Variants in LMTK3 observed in about 807,000 individuals in gnomAD.
LMTK3 encodes serine/threonine-protein kinase LMTK3.
A neutral mutation model predicts 116.7 loss-of-function variants in LMTK3; 27 were observed. The observed-to-expected ratio is 0.23, with a 90% confidence interval of 0.17 to 0.32. LMTK3 has a LOEUF of 0.32. Among genes scored for constraint, LMTK3 ranks in the 10% least tolerant of loss-of-function variants. LMTK3 has a pLI of 1.00. For synonymous variants in LMTK3, 965 were observed against 971.0 expected (o/e 0.99, Z 0.11); for missense variants, 1,764 against 2,068.5 (o/e 0.85, Z 2.86).
chr19:48,498,605 G>A lies in LMTK3; in HGVS notation c.2464C>T (p.Arg822Trp). 1 of 1,546,322 alleles carries A rather than the reference G, an allele frequency of 6.5e-7. No individual in the cohort carries two copies. Among genetic ancestry groups the A allele is most frequent in the Non-Finnish European group, 8.7e-7 (1 of 1,145,402 alleles). The change falls in exon 11 of 15, where the codon CGG becomes TGG. Residue 822 changes from arginine to tryptophan, a missense_variant. By Grantham distance (101) the Arg-to-Trp change is moderately radical. This residue lies in a region of LMTK3 where 1,028 missense variants were observed against 1,050.6 expected (regional missense o/e 0.98). Coordinates refer to ENST00000600059, the MANE Select transcript of LMTK3 (RefSeq NM_001388485.1). ...GGGTCGGGTGGCTCGGGGGGAGCCCGCGGCCGAGGGACCCCTTCCTCCTCG... is the reference window on the plus strand; with the variant it reads ...GGGTCGGGTGGCTCGGGGGGAGCCCACGGCCGAGGGACCCCTTCCTCCTCG... ...AAEEEGVPRP[R>W]APPEPPDPGA...
At chr19:48,502,219 C>T (rs1056532073) in intron 7 of LMTK3, among the ~76,000 whole-genome samples, 12 of 145,664 alleles carry the variant, frequency 8.2e-5, no homozygotes, top group Admixed American at 2.0e-4. Context: ...TTCCCCTCAT[C>T]ACCTGACCCC....
upstream of LMTK3, chr19:48,511,857 G>GT (rs1057468196): frequency 4.6e-5 from 10 of 215,762 alleles, no homozygotes; most frequent in African/African-American, 2.4e-4. Context: ...GGTAGGATGG[G>GT]GGGGGCGAGA....
Position 48,498,201 on chromosome 19 carries a change from CTCT to C in LMTK3, c.2865_2867del (p.Glu956del), listed in dbSNP as rs1454020090. The C allele has an allele frequency of 2.5e-6, 4 of 1,613,460 alleles. No individual in the cohort carries two copies. The Admixed American group carries it at 5.0e-5, about 20-fold the overall frequency. On this transcript the variant is annotated inframe_deletion, in exon 11 of 15. Coordinates refer to ENST00000600059, the MANE Select transcript of LMTK3 (RefSeq NM_001388485.1). ...TCAGCTCCCCATTCTCCAGCACTTT[CTCT>C]TCTCTCTCGGGGGACCCCAGGGCCC...
Position 48,498,953 on chromosome 19 carries a change from C to T in LMTK3, c.2116G>A (p.Asp706Asn). 7.7e-7 allele frequency: 1 copy of T among 1,301,116 alleles called. No individual in the cohort carries two copies. The highest frequency in any genetic ancestry group is 3.1e-5 in the East Asian group (1 of 32,074). The allele number at this position is 1,301,116 out of a possible 1,614,324, so 80.6% of individuals were successfully genotyped here. The change falls in exon 11 of 15, where the codon GAC (aspartate) becomes AAC (asparagine). Residue 706 changes from aspartate (D) to asparagine (N), a missense_variant. By Grantham distance (23) the Asp-to-Asn change is conservative (BLOSUM62 1). Coordinates refer to ENST00000600059, the MANE Select transcript of LMTK3 (RefSeq NM_001388485.1). ...PALGCPHPPE[D>N]DSSLRAERGS... The stretch of plus-strand genomic sequence containing the variant: ...CGCTCTGCCCGCAGCGAGGAGTCGT[C>T]CTCGGGGGGGTGGGGGCAGCCAAGA...
Position 48,501,478 on chromosome 19 carries a change from C to T in LMTK3, c.879G>A (p.Lys293=), listed in dbSNP as rs1467968902. ...GDYGLAHSNY[K]EDYYLTPERL... is the part of the protein sequence containing the mutation. Reference sequence around the variant, plus strand: ...CCATCCCGACGGAAGGAAGCCCTACCTTGTAGTTGCTGTGGGCCAGCCCGT... The same window carrying T: ...CCATCCCGACGGAAGGAAGCCCTACTTTGTAGTTGCTGTGGGCCAGCCCGT... The change falls in exon 8 of 15, where the codon AAG becomes AAA. Residue 293 remains lysine (K), a splice_region_variant and synonymous_variant. Coordinates refer to ENST00000600059, the MANE Select transcript of LMTK3 (RefSeq NM_001388485.1). 1.2e-6 allele frequency: 2 copies of T among 1,612,550 alleles called. No homozygotes were observed. The highest frequency in any genetic ancestry group is 1.7e-5 in the Admixed American group (1 of 59,746).
At chr19:48,490,074 A>ATATGG (rs1210802436) in intron 14 of LMTK3, among the ~76,000 whole-genome samples, 2 of 152,216 alleles carry the variant, frequency 1.3e-5, no homozygotes, top group African/African-American at 2.4e-5. Flanking sequence ...CAAGGTGGCC[A>ATATGG]CGAGGATTAG....
At chr19:48,490,524 C>CAAAAAAA (rs397860073) in intron 14 of LMTK3, among the ~76,000 whole-genome samples, 2 of 48,076 alleles carry the variant, frequency 4.2e-5, no homozygotes, top group African/African-American at 1.5e-4. Flanking sequence ...GACTCCGTCT[C>CAAAAAAA]AAAAAAAAAA....
chr19:48,502,335 A>C, intron 7 of LMTK3, 98 bp downstream of exon 7: 1 of 1,396,090 alleles, frequency 7.2e-7, no homozygotes, highest in Admixed American at 2.2e-5. Context: ...TGTGTCAGCC[A>C]GTCATGGGTC....
At chr19:48,509,263 G>A (rs576379078) in intron 4 of LMTK3, among the ~76,000 whole-genome samples, 174 bp downstream of exon 4, 1 of 152,080 alleles carries the variant, frequency 6.6e-6, no homozygotes, top group South Asian at 2.1e-4. Flanking sequence ...CAGATGTCGG[G>A]GATGGGGCGG....
chr19:48,510,284 C>A, intron 2 of LMTK3, 111 bp from the exon 3 acceptor site: 1 of 1,426,868 alleles, frequency 7.0e-7, no homozygotes, highest in Non-Finnish European at 9.5e-7. Context: ...CTCCCAGTCC[C>A]AGCCCAATTT....
chr19:48,504,115 G>A (rs1313434088), intron 5 of LMTK3, among the ~76,000 whole-genome samples: 3 of 151,970 alleles, frequency 2.0e-5, no homozygotes, highest in South Asian at 2.1e-4. Flanking sequence ...TGATACGCCC[G>A]CCTCAGCCTC....
rs140410687 is a variant in LMTK3, at chr19:48,491,372, G to T, written c.4228+32C>A. On this transcript the variant is annotated intron_variant, in intron 13 of 14. Transcript: ENST00000600059. This position sits in a 1 kb window ranked among gnomAD's most constrained non-coding sequence, Gnocchi z 5.1. ...CCGCCCCGTCCGCCCCATGGCTCCC[G>T]CCCCCTCCCGCCCCATAGGGCCCGT... The T allele has an allele frequency of 1.8e-5, 11 of 612,216 alleles. No homozygotes were observed. Among genetic ancestry groups the T allele is most frequent in the Non-Finnish European group, 2.4e-5 (11 of 465,558 alleles). 37.9% of individuals were successfully genotyped at this position (612,216 alleles called of 1,614,324 possible).
chr19:48,513,278 G>A, upstream of LMTK3: 1 of 959,978 alleles, frequency 1.0e-6, no homozygotes, highest in Admixed American at 2.0e-5. The surrounding 1 kb of genome is among the most constrained non-coding windows in gnomAD (Gnocchi z 5.6). Context: ...CGTTTTACAC[G>A]TACAGAATTA....
Position 48,494,131 on chromosome 19 carries a change from G to A in LMTK3, c.3677-22C>T, listed in dbSNP as rs1972282695. ...CTGGCTGCGAGGGGAGAGACCTGGT[G>A]AGCCCCTGTCCCGGTGAAACTGAGG... On this transcript the variant is annotated intron_variant, in intron 11 of 14. Transcript: ENST00000600059. The surrounding 1 kb of genome is among the most constrained non-coding windows in gnomAD (Gnocchi z 4.0). 8.5e-7 allele frequency: 1 copy of A among 1,181,996 alleles called. No homozygotes were observed. 73.2% of individuals were successfully genotyped at this position (1,181,996 alleles called of 1,614,324 possible).
At position 48,510,548 on chromosome 19, in the gene LMTK3, C is replaced by A; in HGVS notation, c.121G>T (p.Val41Leu). The change falls in exon 2 of 15, where the codon GTG (valine) becomes TTG (leucine). Residue 41 changes from valine (V) to leucine (L), a missense_variant. Val to Leu is a conservative substitution (Grantham distance 32). Coordinates refer to ENST00000600059, the MANE Select transcript of LMTK3 (RefSeq NM_001388485.1). ...AGGCCGGAGCAGGAAATGAGGACCA[C>A]AGCGTAGGGAGGAGCCAGAGGAGCC... ...GRAPLAPPYAVVLISCSGLLA... is the reference protein window; with the variant it reads ...GRAPLAPPYALVLISCSGLLA... The A allele has an allele frequency of 6.2e-7, 1 of 1,600,234 alleles. No homozygotes were observed. Among genetic ancestry groups the A allele is most frequent in the Middle Eastern group, 1.7e-4 (1 of 6,022 alleles).
intron 11 of LMTK3, among the ~76,000 whole-genome samples, chr19:48,495,631 G>A (rs186292337): frequency 2.6e-5 from 4 of 152,218 alleles, no homozygotes; most frequent in African/African-American, 7.2e-5. Flanking sequence ...AGGAAGAAAC[G>A]TCCTCTGTCC....
In LMTK3 at chr19:48,493,902, C is replaced by CCCGGCG. The variant is rs770696702; in HGVS notation, c.3878_3883dup (p.Ala1293_Pro1294dup). ...GGGGCCCCGCGGCCCCGCCGCCGCGCCCGGCGCCGCCGCCTCCTCGTCCTC... is the reference window on the plus strand; with the variant it reads ...GGGGCCCCGCGGCCCCGCCGCCGCGCCCGGCGCCGGCGCCGCCGCCTCCTCGTCCTC... On this transcript the variant is annotated inframe_insertion, in exon 12 of 15. Transcript: ENST00000600059. The CCCGGCG allele has an allele frequency of 6.8e-6, 7 of 1,030,626 alleles. No homozygotes were observed. Among genetic ancestry groups the CCCGGCG allele is most frequent in the Non-Finnish European group, 7.0e-6 (6 of 863,120 alleles). The allele number at this position is 1,030,626 out of a possible 1,614,324, so 63.8% of individuals were successfully genotyped here. A position where few individuals can be genotyped will look rare whatever the true frequency, so the allele number is the denominator to read the frequency against.
chr19:48,493,768 C>T lies in LMTK3; in HGVS notation c.4018G>A (p.Glu1340Lys). 1 of 1,552,510 alleles carries T rather than the reference C, an allele frequency of 6.4e-7. No individual in the cohort carries two copies. The highest frequency in any genetic ancestry group is 8.7e-7 in the Non-Finnish European group (1 of 1,150,436). The change falls in exon 12 of 15, where the codon GAG becomes AAG. Residue 1340 changes from glutamate (E) to lysine (K), a missense_variant. Transcript: ENST00000600059. ...CGCTTCCTCTCCAGCTCGCTGTCCT[C>T]TGGCTCGTCGGCCCCGCGCGGAGAC... ...LKSPRGADEP[E>K]DSELERKRKM... is the part of the protein sequence containing the mutation.
chr19:48,491,136 G>C lies in LMTK3; in HGVS notation c.4338C>G (p.Pro1446=). 1 of 1,375,488 alleles carries C rather than the reference G, an allele frequency of 7.3e-7. No homozygotes were observed. Among genetic ancestry groups the C allele is most frequent in the East Asian group, 2.8e-5 (1 of 35,642 alleles). 85.2% of individuals were successfully genotyped at this position (1,375,488 alleles called of 1,614,324 possible). ...VSPALETPGP[P]ARAPDARPAG... is the part of the protein sequence containing the mutation. ...CGGGCCGGGCGTCGGGGGCCCGGGC[G>C]GGTGGCCCCGGGGTCTCCAGCGCAG... The change falls in exon 14 of 15, where the codon CCC becomes CCG. Residue 1446 remains proline, a synonymous_variant. Coordinates refer to ENST00000600059, the MANE Select transcript of LMTK3 (RefSeq NM_001388485.1). The surrounding 1 kb of genome is among the most constrained non-coding windows in gnomAD (Gnocchi z 5.1).
Sources: allele counts gnomAD v4.1 joint callset (sites outside exome capture counted in the v4.1 genomes callset), GRCh38; gene constraint gnomAD v4.1.1; regional missense constraint gnomAD v4.1.1; non-coding constraint Gnocchi (gnomAD v3.1); transcripts MANE v1.5; gene names NCBI Gene and HGNC (gene_info 2026-07-23, HGNC 2026-07-21).